The following RIMS1 variants were observed in gnomAD, a reference collection of about 807,000 sequenced individuals.
RIMS1 encodes the protein regulating synaptic membrane exocytosis 1, also known as regulating synaptic membrane exocytosis protein 1.
Under a neutral mutation model 214.1 loss-of-function variants are expected in RIMS1, and 83 were observed. The observed-to-expected ratio is 0.39, with a 90% CI of 0.32 to 0.47. The LOEUF is 0.47. Ranked by LOEUF, RIMS1 falls within the 20% of genes least tolerant of loss-of-function variation. The probability of loss-of-function intolerance (pLI) is 0.99; values close to 1 mark genes in which losing one functional copy is unlikely to be tolerated. For synonymous variants in RIMS1, 793 were observed against 786.8 expected (o/e 1.01, Z -0.13); for missense variants, 2,050 against 2,161.8 (o/e 0.95, Z 1.03).
chr6:72,213,056 A>G, intron 6 of RIMS1: 1 of 1,532,828 alleles, frequency 6.5e-7, no homozygotes, highest in African/African-American at 1.4e-5. Flanking sequence ...GATCTTGAGC[A>G]GCAGAGAGTG....
At chr6:72,200,858 TGTG>T (rs1389601530) in intron 6 of RIMS1, among the ~76,000 whole-genome samples, 10 of 1,010 alleles carry the variant, frequency 9.9e-3, no homozygotes, top group African/African-American at 0.012. Context: ...AGGACACAAT[TGTG>T]TGTGTGTGTG....
At chr6:72,399,747 C>T (rs1381588498) in intron 33 of RIMS1, among the ~76,000 whole-genome samples, 1 of 152,058 alleles carries the variant, frequency 6.6e-6, no homozygotes, top group Non-Finnish European at 1.5e-5. Flanking sequence ...CATGATTCAC[C>T]ACCAACTCTG....
At chr6:71,969,899 T>G (rs1296556903) in intron 2 of RIMS1, among the ~76,000 whole-genome samples, 1 of 138,866 alleles carries the variant, frequency 7.2e-6, no homozygotes, top group South Asian at 2.2e-4. Context: ...TAATGATTAA[T>G]TAAATGACCA....
chr6:72,140,278 T>C (rs1375841458), intron 4 of RIMS1, among the ~76,000 whole-genome samples: 1 of 152,148 alleles, frequency 6.6e-6, no homozygotes, highest in Non-Finnish European at 1.5e-5. Flanking sequence ...AGGAACACTA[T>C]TATTTTAGTT....
At chr6:71,974,493 A>G (rs1351811651) in intron 2 of RIMS1, among the ~76,000 whole-genome samples, 2 of 152,090 alleles carry the variant, frequency 1.3e-5, no homozygotes, top group African/African-American at 2.4e-5. Flanking sequence ...TGTGTTTTTC[A>G]GAGTTATCAT....
chr6:72,230,188 C>T (rs2061510320), intron 6 of RIMS1, among the ~76,000 whole-genome samples: 1 of 151,466 alleles, frequency 6.6e-6, no homozygotes, highest in African/African-American at 2.4e-5. Flanking sequence ...TGAAGGTGAC[C>T]ACATGTATGT....
At chr6:72,027,380 A>G (rs917757193) in intron 2 of RIMS1, among the ~76,000 whole-genome samples, 3 of 152,186 alleles carry the variant, frequency 2.0e-5, no homozygotes, top group South Asian at 4.1e-4. Flanking sequence ...CAAAATGATC[A>G]ATTTGACCAC....
chr6:72,107,441 C>A (rs923860121), intron 4 of RIMS1, among the ~76,000 whole-genome samples: 1 of 152,010 alleles, frequency 6.6e-6, no homozygotes, highest in Non-Finnish European at 1.5e-5. Context: ...GGTGCCTGTA[C>A]TACCAGCTAC....
intron 4 of RIMS1, among the ~76,000 whole-genome samples, chr6:72,171,477 A>T (rs2047025315): frequency 6.6e-6 from 1 of 152,044 alleles, no homozygotes; most frequent in Non-Finnish European, 1.5e-5. Flanking sequence ...CCTTTCTGAT[A>T]ATGATAAAAT....
chr6:72,286,000 C>G (rs1181761117), intron 24 of RIMS1, among the ~76,000 whole-genome samples: 1 of 152,082 alleles, frequency 6.6e-6, no homozygotes, highest in African/African-American at 2.4e-5. Flanking sequence ...GAGTTTGAGA[C>G]TAACCTGACC....
At position 72,377,917 on chromosome 6, in the gene RIMS1, G is replaced by A. The variant is rs2098419292; in HGVS notation, c.4367-12681G>A. Reference sequence around the variant, plus strand: ...ATGTTGACTTCTCAGTAATGGTCGTGTAAGTTGTTCTAAGTGTTTACCTCA... The same window carrying A: ...ATGTTGACTTCTCAGTAATGGTCGTATAAGTTGTTCTAAGTGTTTACCTCA... On this transcript the variant is annotated intron_variant, in intron 29 of 33. Coordinates refer to ENST00000521978, the MANE Select transcript of RIMS1 (RefSeq NM_014989.7). Among the ~76,000 whole-genome samples, 3 of 152,148 alleles carry A rather than the reference G, an allele frequency of 2.0e-5. No individual in the cohort carries two copies. The South Asian group carries it at 6.2e-4, about 32-fold the overall frequency.
chr6:72,370,384 C>G (rs2098178206), intron 29 of RIMS1, among the ~76,000 whole-genome samples: 1 of 152,120 alleles, frequency 6.6e-6, no homozygotes, highest in Non-Finnish European at 1.5e-5. Context: ...GGACCTTTGC[C>G]CCCACAGTCA....
chr6:72,370,349 G>A (rs1007693491), intron 29 of RIMS1, among the ~76,000 whole-genome samples: 7 of 152,196 alleles, frequency 4.6e-5, no homozygotes, highest in Admixed American at 1.3e-4. Context: ...CAACTGTTAT[G>A]ATTACTTAGT....
chr6:72,284,106 C>A lies in RIMS1; in HGVS notation c.3542C>A (p.Ser1181Tyr). The change falls in exon 24 of 34, where the codon TCT (serine) becomes TAT (tyrosine). Residue 1181 changes from serine to tyrosine, a missense_variant. Coordinates refer to ENST00000521978, the MANE Select transcript of RIMS1 (RefSeq NM_014989.7). Reference protein sequence around the residue: ...IQKQTRKGTASDAERVLPTCL... With the variant: ...IQKQTRKGTAYDAERVLPTCL... The stretch of plus-strand genomic sequence containing the variant: ...AAACAGACTAGGAAAGGCACTGCCT[C>A]TGATGCAGAAAGGTAGGCTTGGTGT... The A allele has an allele frequency of 6.2e-7, 1 of 1,613,048 alleles. No individual in the cohort carries two copies. The highest frequency in any genetic ancestry group is 8.5e-7 in the Non-Finnish European group (1 of 1,179,210).
intron 6 of RIMS1, among the ~76,000 whole-genome samples, chr6:72,196,115 A>T (rs1238364450): frequency 6.6e-6 from 1 of 152,032 alleles, no homozygotes; most frequent in Non-Finnish European, 1.5e-5. Flanking sequence ...CATATCAAGA[A>T]GTTATTGGTT....
At chr6:72,241,205 A>G (rs2066754450) in intron 9 of RIMS1, among the ~76,000 whole-genome samples, 1 of 152,206 alleles carries the variant, frequency 6.6e-6, no homozygotes, top group Admixed American at 6.5e-5. Context: ...AAAAGATTTT[A>G]TGCTTATACT....
At chr6:72,192,024 T>C (rs890027491) in intron 6 of RIMS1, among the ~76,000 whole-genome samples, 3 of 152,180 alleles carry the variant, frequency 2.0e-5, no homozygotes, top group Non-Finnish European at 2.9e-5. Context: ...ACCATAATAG[T>C]CCTCACCCTA....
intron 4 of RIMS1, among the ~76,000 whole-genome samples, chr6:72,123,568 G>A (rs970558880): frequency 6.6e-6 from 1 of 151,812 alleles, no homozygotes; most frequent in Admixed American, 6.6e-5. Context: ...TATTGACAGT[G>A]GGGTGTTAAA....
Position 72,258,110 on chromosome 6 carries a change from G to A in RIMS1, c.2771-15G>A, listed in dbSNP as rs749023619. 2.5e-6 allele frequency: 4 copies of A among 1,608,806 alleles called. No homozygotes were observed. In the South Asian group the frequency reaches 3.3e-5, roughly 13 times the overall value. ...AGAATACTGACTAAATTTTTTCTGT[G>A]TGTACTTTTGCCAGTAGGCTATAGG... On this transcript the variant is annotated splice_polypyrimidine_tract_variant and intron_variant, in intron 16 of 33. Coordinates refer to ENST00000521978, the MANE Select transcript of RIMS1 (RefSeq NM_014989.7).
Sources: allele counts gnomAD v4.1 joint callset (sites outside exome capture counted in the v4.1 genomes callset), GRCh38; gene constraint gnomAD v4.1.1; transcripts MANE v1.5; gene names NCBI Gene and HGNC (gene_info 2026-07-23, HGNC 2026-07-21).